MBD5: variants seen among roughly 807,000 people sequenced by gnomAD.
MBD5 encodes the protein methyl-CpG-binding domain protein 5.
Under a neutral mutation model 117.3 loss-of-function variants are expected in MBD5, and 13 were observed. The ratio of observed to expected loss-of-function variants is 0.11; its 90% confidence interval spans 0.07 to 0.18. The LOEUF (loss-of-function observed/expected upper bound fraction) is 0.18. Among genes scored for constraint, MBD5 ranks in the 10% least tolerant of loss-of-function variants. The pLI is 1.00. For missense variants in MBD5, 1,879 were observed against 2,093.8 expected (o/e 0.90, Z 2.00); for synonymous variants, 727 against 766.4 (o/e 0.95, Z 0.85).
intron 1 of MBD5, among the ~76,000 whole-genome samples, chr2:148,149,194 G>T (rs2105618649): frequency 7.0e-6 from 1 of 142,250 alleles, no homozygotes; most frequent in Non-Finnish European, 1.5e-5. Context: ...GCGGTGTTTG[G>T]TTTTTTGTTC....
chr2:148,462,747 T>C, intron 6 of MBD5, 63 bp downstream of exon 6: 1 of 1,118,158 alleles, frequency 8.9e-7, no homozygotes, highest in Non-Finnish European at 1.3e-6. Context: ...TATATTTGTT[T>C]TTCTCATTTG....
rs1682325208 is a variant in MBD5, at chr2:148,515,347, C to A, written c.*2406C>A. 6.6e-6 allele frequency: 1 copy of A among 152,074 alleles called. No homozygotes were observed. Among genetic ancestry groups the A allele is most frequent in the African/African-American group, 2.4e-5 (1 of 41,408 alleles). 9.4% of individuals were successfully genotyped at this position (152,074 alleles called of 1,614,324 possible). A position where few individuals can be genotyped will look rare whatever the true frequency, so the allele number is the denominator to read the frequency against. The stretch of plus-strand genomic sequence containing the variant: ...AGACCATGTAAAGTATGTTTGTGCC[C>A]ATGATTTCACTGGTTGCTATGGCTT... On this transcript the variant is annotated 3_prime_UTR_variant, in exon 14 of 14. Transcript: ENST00000642680.
chr2:148,213,441 G>A (rs1699478315), intron 2 of MBD5, among the ~76,000 whole-genome samples: 1 of 152,042 alleles, frequency 6.6e-6, no homozygotes, highest in South Asian at 2.1e-4. Flanking sequence ...ATGGGGCAGG[G>A]AGCAGGGAAT....
chr2:148,095,121 A>G (rs1472482815), intron 1 of MBD5, among the ~76,000 whole-genome samples: 1 of 152,214 alleles, frequency 6.6e-6, no homozygotes, highest in Non-Finnish European at 1.5e-5. Context: ...CATTCCCAGC[A>G]TATGCCTAAT....
chr2:148,490,579 C>G lies in MBD5; in HGVS notation c.4947C>G (p.Ser1649Arg), dbSNP rs774616385. ...ACGTTCACAATTCATGTCAACAAAG[C>G]CCCGAGGAAGGGAAGGTATACCAAT... is the stretch of plus-strand genomic sequence containing the variant. Reference protein sequence around the residue: ...EDDVHNSCQQSPEEGKVEPEK... With the variant: ...EDDVHNSCQQRPEEGKVEPEK... Residue 1649 changes from serine to arginine, a missense_variant, in exon 11 of 14, where the codon AGC (serine) becomes AGG (arginine). Transcript: ENST00000642680. 1 of 1,614,174 alleles carries G rather than the reference C, an allele frequency of 6.2e-7. No homozygotes were observed. Among genetic ancestry groups the G allele is most frequent in the Non-Finnish European group, 8.5e-7 (1 of 1,180,030 alleles).
rs1358739707 is a variant in MBD5 at position 148,330,050 on chromosome 2, C to CCCA, written c.-679-12163_-679-12162insCAC. 2.3e-3 allele frequency among the ~76,000 whole-genome samples: 75 copies of CCCA among 31,930 alleles called. 4 individuals are homozygous for CCCA. Among genetic ancestry groups the CCCA allele is most frequent in the African/African-American group, 7.2e-3 (73 of 10,194 alleles). The allele number at this position is 31,930 out of a possible 152,430, so 20.9% of individuals were successfully genotyped here. ...AGGTAAGAACCCCCCCCCGCCCCCC[C>CCCA]CACACACACACACACACTGCCTAAA... On this transcript the variant is annotated intron_variant, in intron 3 of 13. Coordinates refer to ENST00000642680, the MANE Select transcript of MBD5 (RefSeq NM_001378120.1).
chr2:148,437,350 C>T (rs60973488), intron 4 of MBD5, among the ~76,000 whole-genome samples: 37,360 of 151,946 alleles, frequency 0.25, 5,331 homozygotes, highest in African/African-American at 0.39. Flanking sequence ...ATACCCAAAT[C>T]AAATTATACA....
chr2:148,467,785 T>C (rs1306373387), intron 7 of MBD5, among the ~76,000 whole-genome samples: 1 of 152,170 alleles, frequency 6.6e-6, no homozygotes, highest in Non-Finnish European at 1.5e-5. Context: ...TAAGGAAATA[T>C]TACGGTATCT....
At chr2:148,150,868 A>G (rs1010740091) in intron 1 of MBD5, among the ~76,000 whole-genome samples, 5 of 152,186 alleles carry the variant, frequency 3.3e-5, no homozygotes, top group African/African-American at 1.2e-4. Flanking sequence ...TTCTAGATAT[A>G]CAATCATGTC....
intron 1 of MBD5, among the ~76,000 whole-genome samples, chr2:148,173,293 C>A (rs143353981): frequency 2.0e-5 from 3 of 152,154 alleles, no homozygotes; most frequent in African/African-American, 4.8e-5. Flanking sequence ...CAGGTGTCTC[C>A]GGTGGAAATT....
chr2:148,265,990 G>A (rs1015862561), intron 3 of MBD5, among the ~76,000 whole-genome samples: 2 of 152,062 alleles, frequency 1.3e-5, no homozygotes, highest in African/African-American at 4.8e-5. Flanking sequence ...AATTCAAATG[G>A]CGACTTAGAT....
At chr2:148,255,974 T>A (rs944597709) in intron 3 of MBD5, among the ~76,000 whole-genome samples, 4 of 152,262 alleles carry the variant, frequency 2.6e-5, no homozygotes, top group Non-Finnish European at 5.9e-5. Flanking sequence ...AGGGCCTGGA[T>A]GGTGTTCTGT....
intron 4 of MBD5, among the ~76,000 whole-genome samples, chr2:148,396,888 G>A (rs1227342552): frequency 6.6e-6 from 1 of 152,018 alleles, no homozygotes; most frequent in Non-Finnish European, 1.5e-5. Context: ...CTTAAACCTT[G>A]CCCATGTCCT....
At chr2:148,225,470 A>G (rs2106100342) in intron 2 of MBD5, among the ~76,000 whole-genome samples, 1 of 151,984 alleles carries the variant, frequency 6.6e-6, no homozygotes, top group African/African-American at 2.4e-5. Context: ...TCATTTTTCT[A>G]TTTAAGATAG....
intron 1 of MBD5, among the ~76,000 whole-genome samples, chr2:148,053,651 T>A (rs1247061318): frequency 6.6e-6 from 1 of 152,108 alleles, no homozygotes; most frequent in African/African-American, 2.4e-5. Context: ...ATATGCATTC[T>A]CTGGCTTATT....
chr2:148,100,195 A>AT (rs1696170914), intron 1 of MBD5, among the ~76,000 whole-genome samples: 1 of 152,112 alleles, frequency 6.6e-6, no homozygotes, highest in Non-Finnish European at 1.5e-5. Context: ...GGGAGGAAGA[A>AT]TGTGCCCCAG....
In MBD5 at chr2:148,468,400, C is replaced by T. The variant is rs2105622546; in HGVS notation, c.457C>T (p.His153Tyr). The change falls in exon 8 of 14, where the codon CAT becomes TAT. Residue 153 changes from histidine (H) to tyrosine (Y), a missense_variant. His to Tyr is a moderately conservative substitution (Grantham distance 83). Coordinates refer to ENST00000642680, the MANE Select transcript of MBD5 (RefSeq NM_001378120.1). Reference sequence around the variant, plus strand: ...TCCAAGATCAGTAAGAAATAAGTCTCATGAAGGAATTACAAATTCTGTAAT... The same window carrying T: ...TCCAAGATCAGTAAGAAATAAGTCTTATGAAGGAATTACAAATTCTGTAAT... ...ATPRSVRNKS[H>Y]EGITNSVMPE... 1 of 1,613,710 alleles carries T rather than the reference C, an allele frequency of 6.2e-7. No homozygotes were observed. Among genetic ancestry groups the T allele is most frequent in the Non-Finnish European group, 8.5e-7 (1 of 1,179,798 alleles).
At chr2:148,478,751 A>G (rs1681051720) in intron 8 of MBD5, among the ~76,000 whole-genome samples, 1 of 152,182 alleles carries the variant, frequency 6.6e-6, no homozygotes, top group Non-Finnish European at 1.5e-5. Context: ...ATGCCAGTTC[A>G]TGGTGCTGCT....
chr2:148,381,850 G>A (rs988712925), intron 4 of MBD5, among the ~76,000 whole-genome samples: 12 of 152,048 alleles, frequency 7.9e-5, no homozygotes, highest in African/African-American at 2.9e-4. Context: ...TTCATATCTA[G>A]CCAAACTAAG....
Sources: allele counts gnomAD v4.1 joint callset (sites outside exome capture counted in the v4.1 genomes callset), GRCh38; gene constraint gnomAD v4.1.1; transcripts MANE v1.5; gene names NCBI Gene and HGNC (gene_info 2026-07-23, HGNC 2026-07-21).